ERICH3: variants seen among roughly 807,000 people sequenced by gnomAD.
ERICH3 encodes the protein glutamate-rich protein 3.
Under a neutral mutation model 131.1 loss-of-function variants are expected in ERICH3, and 126 were observed. The observed-to-expected ratio is 0.96, with a 90% confidence interval of 0.83 to 1.11. The LOEUF (loss-of-function observed/expected upper bound fraction) is 1.11, where lower values mean the gene tolerates loss of function less well. Among genes scored for constraint, ERICH3 ranks in the 50% most tolerant of loss-of-function variants. The pLI is 0.00. For synonymous variants in ERICH3, 695 were observed against 644.6 expected (o/e 1.08, Z -1.18); for missense variants, 2,050 against 1,810.7 (o/e 1.13, Z -2.40).
At chr1:74,651,800 C>T (rs1305558162) in intron 1 of ERICH3, among the ~76,000 whole-genome samples, 1 of 152,108 alleles carries the variant, frequency 6.6e-6, no homozygotes, top group Non-Finnish European at 1.5e-5. Flanking sequence ...ACCTCAACTT[C>T]CCTATTGACT....
chr1:74,595,664 A>G (rs908673267), intron 11 of ERICH3, among the ~76,000 whole-genome samples: 5 of 152,082 alleles, frequency 3.3e-5, no homozygotes, highest in African/African-American at 4.8e-5. Context: ...GAGTTCACTG[A>G]GTGTCTATGT....
intron 1 of ERICH3, among the ~76,000 whole-genome samples, chr1:74,673,053 C>G (rs1409765008): frequency 6.6e-6 from 1 of 152,128 alleles, no homozygotes; most frequent in African/African-American, 2.4e-5. Context: ...TCTTTCAATA[C>G]TGAATGAACT....
intron 1 of ERICH3, among the ~76,000 whole-genome samples, chr1:74,651,440 G>C (rs943042779): frequency 1.3e-5 from 2 of 152,042 alleles, no homozygotes; most frequent in Non-Finnish European, 2.9e-5. Context: ...AACCAGCTCC[G>C]GATAATGCTT....
In ERICH3 at chr1:74,652,727, G is replaced by A. The variant is rs566464203; in HGVS notation, c.24-3412C>T. 3.4e-4 allele frequency among the ~76,000 whole-genome samples: 51 copies of A among 152,058 alleles called. No individual in the cohort carries two copies. In the South Asian group the frequency reaches 8.8e-3, roughly 26 times the overall value. ...CCACTGCACCCTTTTCATCGATTCC[G>A]TTGGTCACAGCAAGCACCAGGGCAT... On this transcript the variant is annotated intron_variant, in intron 1 of 14. Transcript: ENST00000326665.
intron 12 of ERICH3, among the ~76,000 whole-genome samples, chr1:74,581,429 G>C (rs193296706): frequency 1.5e-3 from 226 of 152,050 alleles, no homozygotes; most frequent in African/African-American, 5.2e-3. Flanking sequence ...GTGAGAAATT[G>C]GTCACCTTAC....
chr1:74,580,928 C>G (rs1201812279), intron 12 of ERICH3, among the ~76,000 whole-genome samples: 1 of 152,126 alleles, frequency 6.6e-6, no homozygotes, highest in African/African-American at 2.4e-5. Flanking sequence ...CTTTCACTTT[C>G]CCCGCCTGGT....
At chr1:74,594,820 G>C (rs567172437) in intron 11 of ERICH3, among the ~76,000 whole-genome samples, 2 of 152,196 alleles carry the variant, frequency 1.3e-5, no homozygotes, top group Admixed American at 6.5e-5. Context: ...CTAGCAAGGA[G>C]CATAATTTTA....
chr1:74,653,469 G>C (rs1339468438), intron 1 of ERICH3, among the ~76,000 whole-genome samples: 1 of 151,966 alleles, frequency 6.6e-6, no homozygotes, highest in East Asian at 1.9e-4. Flanking sequence ...GAAAGAGAGA[G>C]AGAGAGTTCT....
chr1:74,643,829 T>C (rs1387296305), intron 3 of ERICH3, among the ~76,000 whole-genome samples: 1 of 152,074 alleles, frequency 6.6e-6, no homozygotes, highest in Non-Finnish European at 1.5e-5. Context: ...GCTTCCTGTT[T>C]TTCGCTTGTT....
chr1:74,572,253 C>G lies in ERICH3; in HGVS notation c.3457G>C (p.Val1153Leu), dbSNP rs371040394. 4 of 1,613,994 alleles carry G rather than the reference C, an allele frequency of 2.5e-6. No individual in the cohort carries two copies. Among genetic ancestry groups the G allele is most frequent in the African/African-American group, 2.7e-5 (2 of 74,924 alleles). Reference sequence around the variant, plus strand: ...GGCGTTGCTTCAAATATGGGAACCACTGTCTCTTTTAGTGAATCTTCTCCT... The same window carrying G: ...GGCGTTGCTTCAAATATGGGAACCAGTGTCTCTTTTAGTGAATCTTCTCCT... ...LLGEDSLKET[V>L]VPIFEATPGF... The change falls in exon 14 of 15, where the codon GTG becomes CTG. Residue 1153 changes from valine to leucine, a missense_variant. Coordinates refer to ENST00000326665, the MANE Select transcript of ERICH3 (RefSeq NM_001002912.5).
chr1:74,594,469 C>T (rs1647754225), intron 11 of ERICH3, among the ~76,000 whole-genome samples: 1 of 152,012 alleles, frequency 6.6e-6, no homozygotes, highest in Non-Finnish European at 1.5e-5. Context: ...CTGAGTTGTC[C>T]TCACTTTCCT....
intron 3 of ERICH3, among the ~76,000 whole-genome samples, chr1:74,644,161 C>T (rs1646460813): frequency 6.6e-6 from 1 of 151,988 alleles, no homozygotes; most frequent in Non-Finnish European, 1.5e-5. Flanking sequence ...CTCCTGCTGC[C>T]TTAGGAACCC....
intron 12 of ERICH3, chr1:74,589,343 A>G (rs1647475533): frequency 1.9e-6 from 1 of 532,518 alleles, no homozygotes; most frequent in Non-Finnish European, 3.3e-6. Flanking sequence ...TCAGACACAT[A>G]CTGTGCTTTA....
chr1:74,581,826 T>A (rs1251334330), intron 12 of ERICH3, among the ~76,000 whole-genome samples: 1 of 152,166 alleles, frequency 6.6e-6, no homozygotes, highest in Non-Finnish European at 1.5e-5. Context: ...TGCTCTTAAA[T>A]CCCATTGGGA....
rs113591020 is a variant in ERICH3 at position 74,643,097 on chromosome 1, C to A, written c.245G>T (p.Arg82Leu). Reference protein sequence around the residue: ...AIFHKVLDMERYHQLEIKKKL... With the variant: ...AIFHKVLDMELYHQLEIKKKL... ...CTTTTTTATTTCAAGCTGATGGTAA[C>A]GCTAAGCATACAGGAAAGAATAAAG... is the stretch of plus-strand genomic sequence containing the variant. The change falls in exon 4 of 15, where the codon CGT becomes CTT. Residue 82 changes from arginine to leucine, a missense_variant and splice_region_variant. By Grantham distance (102) the Arg-to-Leu change is moderately radical. Coordinates refer to ENST00000326665, the MANE Select transcript of ERICH3 (RefSeq NM_001002912.5). The A allele has an allele frequency of 1.9e-6, 3 of 1,608,684 alleles. No individual in the cohort carries two copies. The Admixed American group carries it at 5.0e-5, about 27-fold the overall frequency.
chr1:74,606,918 G>T lies in ERICH3; in HGVS notation c.1188-16C>A. ...AATAATGCACCTATGAAAAATATTA[G>T]CAGGAAGTGTTTGTTAACCCTTGTA... On this transcript the variant is annotated splice_polypyrimidine_tract_variant and intron_variant, in intron 9 of 14. Transcript: ENST00000326665. The T allele has an allele frequency of 6.2e-7, 1 of 1,602,112 alleles. No homozygotes were observed.
chr1:74,635,221 A>C (rs536822599), intron 6 of ERICH3, among the ~76,000 whole-genome samples: 7 of 152,172 alleles, frequency 4.6e-5, no homozygotes, highest in Middle Eastern at 6.8e-3. Context: ...TTGACATAAG[A>C]CTCAAGAAGT....
intron 12 of ERICH3, among the ~76,000 whole-genome samples, chr1:74,583,489 C>T (rs1333742559): frequency 2.0e-5 from 3 of 152,060 alleles, no homozygotes; most frequent in African/African-American, 7.2e-5. Flanking sequence ...TTCTCTCTCT[C>T]TCTCCTTCTC....
At chr1:74,638,623 C>A (rs1396370049) in intron 5 of ERICH3, among the ~76,000 whole-genome samples, 1 of 152,142 alleles carries the variant, frequency 6.6e-6, no homozygotes, top group Non-Finnish European at 1.5e-5. Flanking sequence ...TCACTGGGAA[C>A]ATGGTTATTA....
Sources: gnomAD v4.1 joint callset for allele counts (sites outside exome capture counted in the v4.1 genomes callset) on GRCh38, gnomAD v4.1.1 for gene constraint, MANE v1.5 for transcripts, NCBI Gene and HGNC (gene_info 2026-07-23, HGNC 2026-07-21) for gene names.